FRMPD3: variants seen among roughly 807,000 people sequenced by gnomAD.
FRMPD3 encodes the protein FERM and PDZ domain containing 3.
In FRMPD3, 42 loss-of-function variants were observed where a neutral mutation model predicts 97.9. The ratio of observed to expected loss-of-function variants is 0.43; its 90% CI spans 0.34 to 0.55. The LOEUF (loss-of-function observed/expected upper bound fraction) is 0.55. Ranked by LOEUF, FRMPD3 falls within the 20% of genes least tolerant of loss-of-function variation. FRMPD3 has a pLI of 0.03. For missense variants in FRMPD3, 1,303 were observed against 1,457.7 expected (o/e 0.89, Z 1.73); for synonymous variants, 577 against 581.1 (o/e 0.99, Z 0.10).
At chrX:107,594,906 A>T (rs1451077845) in intron 13 of FRMPD3, among the ~76,000 whole-genome samples, 1 of 112,498 alleles carries the variant, frequency 8.9e-6, no homozygotes, top group African/African-American at 3.2e-5. Flanking sequence ...TAAAAAATTT[A>T]AAAAAACGAC....
intron 1 of FRMPD3, among the ~76,000 whole-genome samples, chrX:107,479,822 A>T (rs889459322): frequency 9.2e-5 from 8 of 86,691 alleles, no homozygotes; most frequent in African/African-American, 3.5e-4. Flanking sequence ...TATTATGTAT[A>T]TTTTACCATG....
rs551586033 is a variant in FRMPD3, at chrX:107,466,098, A to T, written c.-8+16093A>T. 1.2e-4 allele frequency among the ~76,000 whole-genome samples: 13 copies of T among 112,661 alleles called. No individual in the cohort carries two copies. The South Asian group carries it at 4.4e-3, about 38-fold the overall frequency. On this transcript the variant is annotated intron_variant, in intron 1 of 14. Coordinates refer to ENST00000683843, the MANE Select transcript of FRMPD3 (RefSeq NM_001388459.1). ...CCTCAAATACACCTTATTAACAGCC[A>T]CATAACAGCTGTGGAGAACAAAGCT...
Position 107,598,033 on chromosome X carries a change from T to TC in FRMPD3, c.2155dup (p.Arg719ProfsTer9). Reference sequence around the variant, plus strand: ...TTGACAGTGTGCAGACCCGGACAGTTCGAGATCATGCCCAGGAGCTAGATG... The same window carrying TC: ...TTGACAGTGTGCAGACCCGGACAGTTCCGAGATCATGCCCAGGAGCTAGATG... On this transcript the variant is annotated frameshift_variant, in exon 14 of 15. Coordinates refer to ENST00000683843, the MANE Select transcript of FRMPD3 (RefSeq NM_001388459.1). LOFTEE classifies it high-confidence loss of function. The TC allele has an allele frequency of 8.3e-7, 1 of 1,210,534 alleles. No individual in the cohort carries two copies. Among genetic ancestry groups the TC allele is most frequent in the Non-Finnish European group, 1.1e-6 (1 of 895,304 alleles).
At chrX:107,563,306 C>A in intron 11 of FRMPD3, 106 bp downstream of exon 11, 1 of 549,417 alleles carries the variant, frequency 1.8e-6, no homozygotes, top group Non-Finnish European at 3.0e-6. Flanking sequence ...CTTCGTTCCT[C>A]TTCCTCCTCC....
intron 13 of FRMPD3, among the ~76,000 whole-genome samples, chrX:107,589,667 G>A (rs1233786279): frequency 1.8e-5 from 2 of 111,892 alleles, no homozygotes; most frequent in African/African-American, 3.2e-5. Context: ...TTGACCCTGC[G>A]CTGTCCTCCT....
chrX:107,459,884 T>TAC (rs67324661), intron 1 of FRMPD3, among the ~76,000 whole-genome samples: 6,356 of 89,729 alleles, frequency 0.071, 203 homozygotes, highest in South Asian at 0.17. Flanking sequence ...CAAGCATACA[T>TAC]ACACACACAC....
intron 1 of FRMPD3, among the ~76,000 whole-genome samples, chrX:107,480,616 G>C (rs192541319): frequency 1.8e-5 from 2 of 109,170 alleles, no homozygotes; most frequent in East Asian, 5.8e-4. Flanking sequence ...GATCACCTGA[G>C]GTCAGGAGTT....
At chrX:107,573,356 T>C (rs1235738520) in intron 12 of FRMPD3, among the ~76,000 whole-genome samples, 2 of 111,740 alleles carry the variant, frequency 1.8e-5, no homozygotes, top group African/African-American at 6.5e-5. Context: ...CAAACCTCTG[T>C]ATCTGTATAT....
rs1309250079 is a variant in FRMPD3, at chrX:107,602,668, G to A, written c.4629G>A (p.Gln1543=). The A allele has an allele frequency of 1.2e-5, 14 of 1,209,125 alleles. No homozygotes were observed. The highest frequency in any genetic ancestry group is 1.6e-5 in the Non-Finnish European group (14 of 895,299). Residue 1543 remains glutamine, a synonymous_variant, in exon 15 of 15, where the codon CAG becomes CAA. Transcript: ENST00000683843. ...TGCCTGTGGTGAGCAGGACCCTGCA[G>A]GTGCTGGATGCTGCTACCTGCAGCA... ...QVVPVVSRTL[Q]VLDAATCSSS... is the part of the protein sequence containing the mutation.
At chrX:107,573,318 G>A (rs1467163521) in intron 12 of FRMPD3, among the ~76,000 whole-genome samples, 2 of 111,213 alleles carry the variant, frequency 1.8e-5, no homozygotes, top group Non-Finnish European at 3.8e-5. Context: ...GTGAGTCTTG[G>A]GCCCTCGTGG....
chrX:107,537,723 G>A (rs1156496323), intron 4 of FRMPD3, among the ~76,000 whole-genome samples: 2 of 111,312 alleles, frequency 1.8e-5, no homozygotes, highest in African/African-American at 6.5e-5. Flanking sequence ...CAACTGGTAT[G>A]GCCATCCCAG....
rs1922328613 is a variant in FRMPD3 at position 107,560,825 on chromosome X, A to G, written c.998A>G (p.His333Arg). 2 of 1,194,696 alleles carry G rather than the reference A, an allele frequency of 1.7e-6. No homozygotes were observed. The highest frequency in any genetic ancestry group is 2.3e-6 in the Non-Finnish European group (2 of 887,720). ...TCTCTCTCTCAGCAACTGAAGGCTC[A>G]CCAAACACATCCTTCCTGCGGCACC... ...RKSLSQQLKA[H>R]QTHPSCGTKG... is the part of the protein sequence containing the mutation. The change falls in exon 10 of 15, where the codon CAC becomes CGC. Residue 333 changes from histidine (H) to arginine (R), a missense_variant. By Grantham distance (29) the His-to-Arg change is conservative. Transcript: ENST00000683843.
At chrX:107,571,777 G>A (rs927116008) in intron 12 of FRMPD3, among the ~76,000 whole-genome samples, 8 of 112,417 alleles carry the variant, frequency 7.1e-5, no homozygotes, top group Admixed American at 5.7e-4. Flanking sequence ...CAGGGCATGA[G>A]TGAGTCAGAC....
chrX:107,476,197 AT>A (rs1280044973), intron 1 of FRMPD3, among the ~76,000 whole-genome samples: 3 of 112,306 alleles, frequency 2.7e-5, no homozygotes, highest in African/African-American at 9.7e-5. Context: ...AAGTGGTGTT[AT>A]TTTTATAAGA....
chrX:107,516,956 C>T (rs1276197155), intron 1 of FRMPD3, among the ~76,000 whole-genome samples: 1 of 111,629 alleles, frequency 9.0e-6, no homozygotes, highest in Non-Finnish European at 1.9e-5. Context: ...TTGTCTATGC[C>T]TATGTCCTGA....
chrX:107,496,159 C>T (rs1602760777), intron 1 of FRMPD3, among the ~76,000 whole-genome samples: 2 of 112,273 alleles, frequency 1.8e-5, no homozygotes, highest in Non-Finnish European at 1.9e-5. Flanking sequence ...TTCTCATCAT[C>T]GTCATCATTA....
At chrX:107,537,683 A>G (rs1010078292) in intron 4 of FRMPD3, among the ~76,000 whole-genome samples, 9 of 111,326 alleles carry the variant, frequency 8.1e-5, no homozygotes, top group African/African-American at 2.9e-4. Context: ...CTATTTACCA[A>G]TCAGTGTGAA....
rs1004832413 is a variant in FRMPD3, at chrX:107,556,916, G to T, written c.762+2412G>T. 3.6e-5 allele frequency among the ~76,000 whole-genome samples: 4 copies of T among 112,166 alleles called. No individual in the cohort carries two copies. In the Admixed American group the frequency reaches 3.8e-4, roughly 11 times the overall value. On this transcript the variant is annotated intron_variant, in intron 8 of 14. Transcript: ENST00000683843. Reference sequence around the variant, plus strand: ...TCCAGGTTTTAGTTATTACAATAAAGCTTCTATGAACTTTCATGTACCAGT... The same window carrying T: ...TCCAGGTTTTAGTTATTACAATAAATCTTCTATGAACTTTCATGTACCAGT...
chrX:107,500,161 G>A (rs1379796828), intron 1 of FRMPD3, among the ~76,000 whole-genome samples: 1 of 111,771 alleles, frequency 8.9e-6, no homozygotes, highest in African/African-American at 3.3e-5. Flanking sequence ...CTGACACTTG[G>A]CCCCATGATG....
Sources: gnomAD v4.1 joint callset for allele counts (sites outside exome capture counted in the v4.1 genomes callset) on GRCh38, gnomAD v4.1.1 for gene constraint, MANE v1.5 for transcripts, NCBI Gene and HGNC (gene_info 2026-07-23, HGNC 2026-07-21) for gene names.